The following IMMT variants were observed in gnomAD, a reference collection of about 807,000 sequenced individuals.
The protein encoded by IMMT is MICOS complex subunit MIC60.
IMMT carries 40 observed loss-of-function variants against 92.7 expected under a neutral mutation model. The ratio of observed to expected loss-of-function variants is 0.43; its 90% confidence interval spans 0.34 to 0.56. The LOEUF (loss-of-function observed/expected upper bound fraction) is 0.56, where lower values mean the gene tolerates loss of function less well. Among genes scored for constraint, IMMT ranks in the 20% least tolerant of loss-of-function variants. The pLI, the probability that IMMT is intolerant of heterozygous loss-of-function variation, is 0.03. For synonymous variants in IMMT, 322 were observed against 336.1 expected, an observed-to-expected ratio of 0.96 and a Z score of 0.46; for missense variants, 831 against 912.1, an observed-to-expected ratio of 0.91 and a Z score of 1.14.
intron 10 of IMMT, among the ~76,000 whole-genome samples, chr2:86,157,803 AG>A (rs1158308707): frequency 3.6e-4 from 25 of 69,796 alleles, no homozygotes; most frequent in African/African-American, 6.2e-4. Context: ...AAAAAAAAAA[AG>A]AAAAAAAAAA....
intron 1 of IMMT, among the ~76,000 whole-genome samples, chr2:86,187,737 C>T (rs1357501074): frequency 2.6e-5 from 4 of 151,890 alleles, no homozygotes; most frequent in African/African-American, 4.8e-5. Flanking sequence ...ATGGAGAAGC[C>T]CCGCGTCTCC....
intron 1 of IMMT, among the ~76,000 whole-genome samples, chr2:86,190,465 A>C (rs192626010): frequency 4.1e-4 from 62 of 152,346 alleles, no homozygotes; most frequent in Middle Eastern, 3.4e-3. Context: ...CCAGGTTTGT[A>C]GTTTGAGAGA....
At chr2:86,183,520 T>C (rs1325509412) in intron 1 of IMMT, among the ~76,000 whole-genome samples, 1 of 152,226 alleles carries the variant, frequency 6.6e-6, no homozygotes, top group African/African-American at 2.4e-5. Context: ...TGACAGAATG[T>C]GTTTTGACTA....
intron 3 of IMMT, among the ~76,000 whole-genome samples, chr2:86,177,379 G>T (rs1677500089): frequency 6.6e-6 from 1 of 152,010 alleles, no homozygotes; most frequent in Admixed American, 6.6e-5. Flanking sequence ...GAGGTGGGCG[G>T]ATCACCTGAG....
intron 7 of IMMT, among the ~76,000 whole-genome samples, chr2:86,166,030 T>C (rs905603265): frequency 1.3e-5 from 2 of 152,260 alleles, no homozygotes; most frequent in African/African-American, 4.8e-5. Flanking sequence ...CAGTTTGTTT[T>C]TTAAACATAA....
intron 10 of IMMT, among the ~76,000 whole-genome samples, chr2:86,157,788 C>CAAAAAAAAAAAAAAGAA (rs1675955426): frequency 1.2e-5 from 1 of 84,248 alleles, no homozygotes; most frequent in Admixed American, 1.3e-4. Flanking sequence ...AACTTTGTCT[C>CAAAAAAAAAAAAAAGAA]AAAAAAAAAA....
chr2:86,191,328 G>C (rs971655056), intron 1 of IMMT, among the ~76,000 whole-genome samples: 5 of 142,284 alleles, frequency 3.5e-5, no homozygotes, highest in South Asian at 2.2e-4. Flanking sequence ...CTGGGTGACA[G>C]AGCAAGACCC....
At chr2:86,167,233 G>A (rs1415538614) in intron 6 of IMMT, among the ~76,000 whole-genome samples, 4 of 129,446 alleles carry the variant, frequency 3.1e-5, no homozygotes, top group East Asian at 2.5e-4. Flanking sequence ...GTGCAGTGGC[G>A]CGATCTCGGC....
At position 86,153,550 on chromosome 2, in the gene IMMT, T is replaced by G. The variant is rs376206618; in HGVS notation, c.1177+10A>C. On this transcript the variant is annotated intron_variant, in intron 11 of 14. Coordinates refer to ENST00000410111, the MANE Select transcript of IMMT (RefSeq NM_006839.3). The stretch of plus-strand genomic sequence containing the variant: ...AAAGACTTTAAACATGAAATATACA[T>G]AACACTCACCTAAGTCTGAAACACC... 1 of 1,457,150 alleles carries G rather than the reference T, an allele frequency of 6.9e-7. No individual in the cohort carries two copies. The highest frequency in any genetic ancestry group is 2.5e-5 in the East Asian group (1 of 40,496). The allele number at this position is 1,457,150 out of a possible 1,614,324, so 90.3% of individuals were successfully genotyped here. A position where few individuals can be genotyped will look rare whatever the true frequency, so the allele number is the denominator to read the frequency against.
chr2:86,193,507 A>G (rs1309601136), intron 1 of IMMT, among the ~76,000 whole-genome samples: 2 of 151,926 alleles, frequency 1.3e-5, no homozygotes, highest in Non-Finnish European at 2.9e-5. Flanking sequence ...ACGAGGCTAG[A>G]GAGTCACCTG....
intron 8 of IMMT, 92 bp from the exon 9 acceptor site, chr2:86,159,763 C>A: frequency 8.8e-7 from 1 of 1,142,518 alleles, no homozygotes; most frequent in South Asian, 2.1e-5. Flanking sequence ...TGTTAAAAGT[C>A]TATGAAACAG....
chr2:86,195,129 C>A, intron 1 of IMMT: 1 of 502,490 alleles, frequency 2.0e-6, no homozygotes, highest in Non-Finnish European at 3.6e-6. Context: ...CTCTCCACAC[C>A]CCACCCCGCT....
chr2:86,181,262 A>G (rs6731995), intron 2 of IMMT, 37 bp downstream of exon 2: 715,272 of 1,484,010 alleles, frequency 0.48, 176,645 homozygotes, highest in Non-Finnish European at 0.51. Flanking sequence ...AGCAGCACAC[A>G]GTGAAAAGCC....
chr2:86,161,095 A>AT lies in IMMT; in HGVS notation c.896+880dup, dbSNP rs1315830283. ...CATGGGCAACAGAGCAAGACCATGA[A>AT]TTAAAAAAAAAAAAAAAAAATCCTT... On this transcript the variant is annotated intron_variant, in intron 8 of 14. Coordinates refer to ENST00000410111, the MANE Select transcript of IMMT (RefSeq NM_006839.3). Among the ~76,000 whole-genome samples the AT allele has an allele frequency of 1.3e-3, 34 of 26,512 alleles. No individual in the cohort carries two copies. The East Asian group carries it at 0.031, about 24-fold the overall frequency. The allele number at this position is 26,512 out of a possible 152,430, so 17.4% of individuals were successfully genotyped here.
At chr2:86,166,398 TA>T (rs376983416) in intron 7 of IMMT, 109 bp downstream of exon 7, 14,352 of 900,088 alleles carry the variant, frequency 0.016, 144 homozygotes, top group Non-Finnish European at 0.019. Context: ...GCCGATATCA[TA>T]CGGAAGAAAG....
chr2:86,163,209 A>C (rs1008490285), intron 7 of IMMT, among the ~76,000 whole-genome samples: 26 of 152,160 alleles, frequency 1.7e-4, no homozygotes, highest in African/African-American at 6.3e-4. Context: ...GGTCCCAGCT[A>C]CTTGAGGGGC....
In IMMT at chr2:86,173,720, T is replaced by C; in HGVS notation, c.351A>G (p.Val117=). ...AGGCAGGCTGTTTAGATTCTTTCAT[T>C]ACTTCTGATACACTAGAGATTTTTA... ...GPLKISSVSE[V]MKESKQPASQ... The change falls in exon 4 of 15, where the codon GTA becomes GTG. Residue 117 remains valine (V), a synonymous_variant. Transcript: ENST00000410111. 6.2e-7 allele frequency: 1 copy of C among 1,607,624 alleles called. No homozygotes were observed. Among genetic ancestry groups the C allele is most frequent in the Non-Finnish European group, 8.5e-7 (1 of 1,174,578 alleles).
rs1673479758 is a variant in IMMT, at chr2:86,195,442, T to C, written c.-60A>G. ...AGCTGCCGCGGCGGCGCGAGTTAAG[T>C]GGAGGCGTGCTTGCGTGTGTGCGTG... On this transcript the variant is annotated 5_prime_UTR_variant, in exon 1 of 15. Transcript: ENST00000410111. 2.0e-6 allele frequency: 3 copies of C among 1,526,828 alleles called. No individual in the cohort carries two copies. Among genetic ancestry groups the C allele is most frequent in the Non-Finnish European group, 2.6e-6 (3 of 1,132,888 alleles). 94.6% of individuals were successfully genotyped at this position (1,526,828 alleles called of 1,614,324 possible).
At chr2:86,150,201 G>A (rs762102999) in intron 12 of IMMT, among the ~76,000 whole-genome samples, 5 of 152,198 alleles carry the variant, frequency 3.3e-5, no homozygotes, top group Non-Finnish European at 7.3e-5. Flanking sequence ...TCAAGCTGGA[G>A]ATACCAGGTA....
Sources: allele counts gnomAD v4.1 joint callset (sites outside exome capture counted in the v4.1 genomes callset), GRCh38; gene constraint gnomAD v4.1.1; transcripts MANE v1.5; gene names NCBI Gene and HGNC (gene_info 2026-07-23, HGNC 2026-07-21).